The following BBOF1 variants were observed in gnomAD, a reference collection of about 807,000 sequenced individuals.
The protein encoded by BBOF1 is basal body orientation factor 1, also known as basal body-orientation factor 1.
In BBOF1, 62 loss-of-function variants were observed where a neutral mutation model predicts 68.0. The ratio of observed to expected loss-of-function variants is 0.91; its 90% CI spans 0.74 to 1.13. The LOEUF is 1.13. BBOF1 is among the 50% of genes most tolerant of loss of function. The pLI, the probability that BBOF1 is intolerant of heterozygous loss-of-function variation, is 0.00. For missense variants in BBOF1, 534 were observed against 600.1 expected (o/e 0.89, Z 1.15); for synonymous variants, 208 against 198.8 (o/e 1.05, Z -0.39).
chr14:74,078,405 A>G (rs2060636308), intron 10 of BBOF1: 1 of 353,584 alleles, frequency 2.8e-6, no homozygotes, highest in East Asian at 7.7e-5. Flanking sequence ...CTAGGCTGGA[A>G]TGCAGTGGCA....
In BBOF1 at chr14:74,035,584, A is replaced by ATTTTT. The variant is rs71460945; in HGVS notation, c.495+1437_495+1441dup. Among the ~76,000 whole-genome samples, 486 of 81,366 alleles carry ATTTTT rather than the reference A, an allele frequency of 6.0e-3. 34 individuals are homozygous for ATTTTT. The highest frequency in any genetic ancestry group is 0.056 in the Middle Eastern group (5 of 90). 53.4% of individuals were successfully genotyped at this position (81,366 alleles called of 152,430 possible). A position where few individuals can be genotyped will look rare whatever the true frequency, so the allele number is the denominator to read the frequency against. ...AGGCGTGCACCACCACCCCCAGCTA[A>ATTTTT]TTTTTTTTTTTTTTTTTTTTTTTTT... is the stretch of plus-strand genomic sequence containing the variant. On this transcript the variant is annotated intron_variant, in intron 4 of 11. Coordinates refer to ENST00000394009, the MANE Select transcript of BBOF1 (RefSeq NM_025057.3).
At chr14:74,051,570 C>G (rs1254962817) in intron 8 of BBOF1, among the ~76,000 whole-genome samples, 1 of 151,720 alleles carries the variant, frequency 6.6e-6, no homozygotes, top group Non-Finnish European at 1.5e-5. Flanking sequence ...TCTGCTGCCA[C>G]TATGATAAAG....
intron 8 of BBOF1, among the ~76,000 whole-genome samples, chr14:74,050,543 C>A (rs546727660): frequency 6.6e-6 from 1 of 152,034 alleles, no homozygotes; most frequent in Admixed American, 6.6e-5. Flanking sequence ...TTATAAAAGC[C>A]TGATTAGATT....
chr14:74,075,592 G>A (rs2060603870), intron 9 of BBOF1, among the ~76,000 whole-genome samples: 1 of 152,006 alleles, frequency 6.6e-6, no homozygotes, highest in African/African-American at 2.4e-5. Context: ...GGGAGGGTGA[G>A]GCTGCAGTGA....
intron 5 of BBOF1, among the ~76,000 whole-genome samples, chr14:74,042,038 A>G (rs2059834388): frequency 8.4e-6 from 1 of 119,466 alleles, no homozygotes; most frequent in Admixed American, 9.9e-5. Context: ...CTCTGTCTCA[A>G]ACAACAACAA....
chr14:74,037,292 T>TC (rs2059728537), intron 4 of BBOF1, among the ~76,000 whole-genome samples: 1 of 132,170 alleles, frequency 7.6e-6, no homozygotes, highest in East Asian at 2.1e-4. Context: ...TTTTTTTTTT[T>TC]TTTTTTTTTC....
rs1289749919 is a variant in BBOF1 at position 74,025,068 on chromosome 14, A to G, written c.285+1924A>G. 2.0e-5 allele frequency among the ~76,000 whole-genome samples: 3 copies of G among 152,132 alleles called. No individual in the cohort carries two copies. In the East Asian group the frequency reaches 5.8e-4, roughly 29 times the overall value. ...CATGCATGAGCCACAAAACCTGGCC[A>G]ATTTTTATTTTTAAAATTACTCTTT... On this transcript the variant is annotated intron_variant, in intron 2 of 11. Coordinates refer to ENST00000394009, the MANE Select transcript of BBOF1 (RefSeq NM_025057.3).
At chr14:74,070,466 C>T (rs1434139442), downstream of BBOF1, among the ~76,000 whole-genome samples, 1 of 152,120 alleles carries the variant, frequency 6.6e-6, no homozygotes, top group African/African-American at 2.4e-5. Context: ...GTAGAGTGAG[C>T]CGAGATCGCA....
At chr14:74,037,710 T>C (rs1200102884) in intron 4 of BBOF1, among the ~76,000 whole-genome samples, 1 of 151,726 alleles carries the variant, frequency 6.6e-6, no homozygotes, top group African/African-American at 2.4e-5. Context: ...TACCAGCACT[T>C]TGGGAGGCCG....
chr14:74,069,074 T>C (rs1335450289), downstream of BBOF1: 8 of 1,311,680 alleles, frequency 6.1e-6, no homozygotes, highest in African/African-American at 1.2e-4. Context: ...GGATTTGAAG[T>C]TTTCCTGTGT....
intron 2 of BBOF1, among the ~76,000 whole-genome samples, chr14:74,026,921 T>C (rs113006129): frequency 8.8e-5 from 13 of 147,418 alleles, no homozygotes; most frequent in African/African-American, 2.8e-4. Context: ...TGAGACTCCA[T>C]CTCAAAAGGA....
At chr14:74,057,609 A>C (rs770713506) in intron 11 of BBOF1, 25 of 1,337,206 alleles carry the variant, frequency 1.9e-5, no homozygotes, top group South Asian at 3.8e-5. Flanking sequence ...AGTCATTACA[A>C]CCTAGAGGAC....
chr14:74,048,204 C>A, intron 7 of BBOF1, 130 bp downstream of exon 7: 1 of 766,874 alleles, frequency 1.3e-6, no homozygotes, highest in Non-Finnish European at 2.0e-6. Flanking sequence ...GGATGATGCA[C>A]TTTTTTTATC....
chr14:74,064,309 A>AAT (rs1555376469), intron 11 of BBOF1, among the ~76,000 whole-genome samples: 70 of 148,774 alleles, frequency 4.7e-4, no homozygotes, highest in African/African-American at 1.6e-3. Flanking sequence ...AAAAAAAAAA[A>AAT]AATAATAATA....
At chr14:74,071,769 T>C in intron 9 of BBOF1, 1 of 1,466,218 alleles carries the variant, frequency 6.8e-7, no homozygotes, top group Non-Finnish European at 9.5e-7. Context: ...TTTTCACAAG[T>C]ATTAAAAAAG....
intron 9 of BBOF1, among the ~76,000 whole-genome samples, chr14:74,075,224 T>G (rs2060599477): frequency 6.6e-6 from 1 of 152,180 alleles, no homozygotes; most frequent in African/African-American, 2.4e-5. Context: ...GTCCTATATT[T>G]CCAGGATAGT....
intron 1 of BBOF1, among the ~76,000 whole-genome samples, chr14:74,020,289 A>G (rs1015385142): frequency 1.3e-5 from 2 of 152,054 alleles, no homozygotes; most frequent in Non-Finnish European, 2.9e-5. Flanking sequence ...CTAGCCCTTA[A>G]AGTGCCAAGG....
rs780305485 is a variant in BBOF1 at position 74,049,900 on chromosome 14, C to T, written c.991C>T (p.Leu331=). 6.2e-7 allele frequency: 1 copy of T among 1,614,144 alleles called. No homozygotes were observed. The highest frequency in any genetic ancestry group is 8.5e-7 in the Non-Finnish European group (1 of 1,180,022). Residue 331 remains leucine, a synonymous_variant, in exon 8 of 12, where the codon CTG becomes TTG. Transcript: ENST00000394009. ...AGCAGGTCAGGTAGAAATTGACAAG[C>T]TGCAGCACCTTCTTCAGATGAAGGA... The part of the protein sequence containing the change: ...NQAGQVEIDK[L]QHLLQMKDRE...
rs541283238 is a variant in BBOF1 at position 74,033,310 on chromosome 14, G to C, written c.352-718G>C. Reference sequence around the variant, plus strand: ...GGACCGGGCGCGGTGGCTCATGCCTGTAATCCCAGTACTTTGGGAGGCCAA... The same window carrying C: ...GGACCGGGCGCGGTGGCTCATGCCTCTAATCCCAGTACTTTGGGAGGCCAA... On this transcript the variant is annotated intron_variant, in intron 3 of 11. Transcript: ENST00000394009. Among the ~76,000 whole-genome samples the C allele has an allele frequency of 1.0e-3, 155 of 152,338 alleles. 1 individual carries two copies. The Middle Eastern group carries it at 0.01, about 10-fold the overall frequency.
Sources: allele counts gnomAD v4.1 joint callset (sites outside exome capture counted in the v4.1 genomes callset), GRCh38; gene constraint gnomAD v4.1.1; transcripts MANE v1.5; gene names NCBI Gene and HGNC (gene_info 2026-07-23, HGNC 2026-07-21).